The following TMEM9 variants were observed in gnomAD, a reference collection of about 807,000 sequenced individuals.
The protein encoded by TMEM9 is transmembrane protein 9.
TMEM9 carries 13 observed loss-of-function variants against 22.8 expected under a neutral mutation model. That is an observed-to-expected ratio of 0.57 (90% CI 0.37 to 0.91). TMEM9 has a LOEUF of 0.91. Ranked by LOEUF, TMEM9 falls within the 40% of genes least tolerant of loss-of-function variation. The pLI is 0.01. For missense variants in TMEM9, 182 were observed against 238.1 expected (o/e 0.76, Z 1.55); for synonymous variants, 88 against 93.0 (o/e 0.95, Z 0.31).
chr1:201,143,832 C>G lies in TMEM9; in HGVS notation c.387G>C (p.Glu129Asp). The G allele has an allele frequency of 6.2e-7, 1 of 1,614,090 alleles. No homozygotes were observed. Among genetic ancestry groups the G allele is most frequent in the Non-Finnish European group, 8.5e-7 (1 of 1,179,966 alleles). The change falls in exon 4 of 5, where the codon GAG becomes GAC. Residue 129 changes from glutamate (E) to aspartate (D), a missense_variant. Glu to Asp is a conservative substitution (Grantham distance 45). Coordinates refer to ENST00000367330, the MANE Select transcript of TMEM9 (RefSeq NM_001288565.2). ...PDAYTEQLHN[E>D]EENEDARSMA... is the part of the protein sequence containing the mutation. ...AAAGCCCTCTTACCTCATTCTCCTC[C>G]TCATTGTGCAGTTGCTCAGTATATG...
intron 2 of TMEM9, among the ~76,000 whole-genome samples, chr1:201,147,414 T>A (rs570674476): frequency 9.7e-4 from 148 of 152,238 alleles, no homozygotes; most frequent in Non-Finnish European, 1.8e-3. Flanking sequence ...ACCCTGGAAA[T>A]CATCTTTGAC....
chr1:201,154,085 G>T lies in TMEM9; in HGVS notation c.-162C>A. ...GCTGGGCTCCAGGATTCCAAGGCCT[G>T]CTAAACCTGGTCGCCAAACCCTGCT... On this transcript the variant is annotated 5_prime_UTR_variant, in exon 1 of 5. Coordinates refer to ENST00000367330, the MANE Select transcript of TMEM9 (RefSeq NM_001288565.2). 1.2e-6 allele frequency: 1 copy of T among 817,444 alleles called. No individual in the cohort carries two copies. The highest frequency in any genetic ancestry group is 1.8e-6 in the Non-Finnish European group (1 of 540,754). 50.6% of individuals were successfully genotyped at this position (817,444 alleles called of 1,614,324 possible).
chr1:201,141,258 T>A (rs1664494453), intron 4 of TMEM9, among the ~76,000 whole-genome samples: 1 of 152,210 alleles, frequency 6.6e-6, no homozygotes, highest in Non-Finnish European at 1.5e-5. Context: ...TTTACCTGCT[T>A]TTGGCCGTCT....
chr1:201,164,013 T>G (rs1339620039), intron 1 of TMEM9, among the ~76,000 whole-genome samples: 1 of 152,178 alleles, frequency 6.6e-6, no homozygotes, highest in Non-Finnish European at 1.5e-5. Context: ...TAAACAAACT[T>G]CAGTATGTCT....
chr1:201,160,435 C>T (rs1295965539), intron 1 of TMEM9, among the ~76,000 whole-genome samples: 1 of 151,436 alleles, frequency 6.6e-6, no homozygotes, highest in Non-Finnish European at 1.5e-5. Context: ...ACTAAAAATA[C>T]AAAATTAGCC....
intron 1 of TMEM9, among the ~76,000 whole-genome samples, chr1:201,168,985 T>TTTA (rs1553259766): frequency 6.6e-6 from 1 of 150,736 alleles, no homozygotes; most frequent in East Asian, 2.0e-4. Context: ...TTTTTTTTTT[T>TTTA]AGAGATGGGG....
At chr1:201,152,569 G>A (rs1192910320) in intron 1 of TMEM9, among the ~76,000 whole-genome samples, 1 of 152,170 alleles carries the variant, frequency 6.6e-6, no homozygotes, top group Non-Finnish European at 1.5e-5. Context: ...CAGAACTTAG[G>A]TGGGTCACCC....
In TMEM9 at chr1:201,151,847, A is replaced by G. The variant is rs151259836; in HGVS notation, c.72T>C (p.Ser24=). ...AGATGCATTTGCACCGGATATCTTC[A>G]GAACTCTGGAAAAGAAAGCACATGT... ...LVPPAEANKS[S]EDIRCKCICP... The change falls in exon 2 of 5, where the codon TCT becomes TCC. Residue 24 remains serine (S), a synonymous_variant. Transcript: ENST00000367330. 33 of 1,613,162 alleles carry G rather than the reference A, an allele frequency of 2.0e-5. No individual in the cohort carries two copies. In the African/African-American group the frequency reaches 4.1e-4, roughly 20 times the overall value.
chr1:201,136,781 G>A (rs937389563), intron 4 of TMEM9, among the ~76,000 whole-genome samples: 2 of 152,140 alleles, frequency 1.3e-5, no homozygotes, highest in African/African-American at 4.8e-5. Context: ...CCCCCGTGGG[G>A]ATTTCCTCCC....
intron 1 of TMEM9, among the ~76,000 whole-genome samples, chr1:201,159,842 C>T (rs115463533): frequency 0.014 from 2,196 of 152,284 alleles, 72 homozygotes; most frequent in African/African-American, 0.05. Flanking sequence ...TATGCACACT[C>T]ATATTTAAAT....
chr1:201,138,812 G>T (rs994948176), intron 4 of TMEM9, among the ~76,000 whole-genome samples: 1 of 152,254 alleles, frequency 6.6e-6, no homozygotes, highest in African/African-American at 2.4e-5. Context: ...CTGCATGGCT[G>T]TTTAGTGGCC....
Position 201,135,393 on chromosome 1 carries a change from C to A in TMEM9, c.*270G>T. On this transcript the variant is annotated 3_prime_UTR_variant, in exon 5 of 5. Transcript: ENST00000367330. The stretch of plus-strand genomic sequence containing the variant: ...ATCGCATCCACTCCTGAGGCCGCCT[C>A]GAATGTCTCCATTCCCTTCTGGCCT... The A allele has an allele frequency of 3.2e-6, 1 of 316,600 alleles. No homozygotes were observed. Among genetic ancestry groups the A allele is most frequent in the Non-Finnish European group, 5.8e-6 (1 of 173,614 alleles). The allele number at this position is 316,600 out of a possible 1,614,324, so 19.6% of individuals were successfully genotyped here. A position where few individuals can be genotyped will look rare whatever the true frequency, so the allele number is the denominator to read the frequency against.
At chr1:201,136,794 G>T (rs1457912998) in intron 4 of TMEM9, among the ~76,000 whole-genome samples, 1 of 152,158 alleles carries the variant, frequency 6.6e-6, no homozygotes, top group African/African-American at 2.4e-5. Context: ...TTCCTCCCTA[G>T]CTTTCCCTGC....
intron 1 of TMEM9, among the ~76,000 whole-genome samples, chr1:201,162,540 A>G (rs1191633921): frequency 6.6e-6 from 1 of 152,032 alleles, no homozygotes; most frequent in Non-Finnish European, 1.5e-5. Context: ...ATAGGGAAAA[A>G]AAAAAAAAAA....
chr1:201,136,309 G>T (rs150431885), intron 4 of TMEM9, among the ~76,000 whole-genome samples: 2 of 152,208 alleles, frequency 1.3e-5, no homozygotes, highest in Non-Finnish European at 2.9e-5. Flanking sequence ...CTAGGCTAGA[G>T]AACTCCCCTG....
chr1:201,160,325 C>T (rs897764323), intron 1 of TMEM9, among the ~76,000 whole-genome samples: 6 of 152,232 alleles, frequency 3.9e-5, no homozygotes, highest in African/African-American at 1.4e-4. Flanking sequence ...CATGTTGGCT[C>T]ACGCCTGTAA....
intron 1 of TMEM9, among the ~76,000 whole-genome samples, chr1:201,168,967 C>CTTT (rs5780055): frequency 0.012 from 1,528 of 128,546 alleles, 48 homozygotes; most frequent in African/African-American, 0.038. Flanking sequence ...AATTATATTA[C>CTTT]TTTTTTTTTT....
intron 2 of TMEM9, among the ~76,000 whole-genome samples, chr1:201,149,235 T>G (rs746342954): frequency 1.5e-4 from 23 of 152,192 alleles, no homozygotes; most frequent in Non-Finnish European, 1.8e-4. Context: ...CTCGGTTCCC[T>G]CATTTATAAA....
In TMEM9 at chr1:201,153,866, C is replaced by T. The variant is rs1665633013; in HGVS notation, c.58G>A (p.Ala20Thr). The change falls in exon 1 of 5, where the codon GCC (alanine) becomes ACC (threonine). Residue 20 changes from alanine (A) to threonine (T), a missense_variant. By Grantham distance (58) the Ala-to-Thr change is moderately conservative (BLOSUM62 0). Coordinates refer to ENST00000367330, the MANE Select transcript of TMEM9 (RefSeq NM_001288565.2). ...AGGCTCACCTCCCTCACCTTGTTGG[C>T]TTCAGCTGGGGGCACCAGCAAACAC... ...VGCLLVPPAE[A>T]NKSSEDIRCK... The T allele has an allele frequency of 6.2e-7, 1 of 1,614,178 alleles. No homozygotes were observed. The highest frequency in any genetic ancestry group is 8.5e-7 in the Non-Finnish European group (1 of 1,180,016).
Sources: gnomAD v4.1 joint callset for allele counts (sites outside exome capture counted in the v4.1 genomes callset) on GRCh38, gnomAD v4.1.1 for gene constraint, MANE v1.5 for transcripts, NCBI Gene and HGNC (gene_info 2026-07-23, HGNC 2026-07-21) for gene names.